Variants in KAZN observed in about 807,000 individuals in gnomAD.
The protein encoded by KAZN is kazrin, periplakin interacting protein, also known as kazrin.
KAZN carries 40 observed loss-of-function variants against 87.4 expected under a neutral mutation model. The observed-to-expected ratio is 0.46, with a 90% CI of 0.36 to 0.60. The LOEUF is 0.60. KAZN is among the 20% of genes least tolerant of loss of function. The pLI is 0.00. For synonymous variants in KAZN, 466 were observed against 458.3 expected, an observed-to-expected ratio of 1.02 and a Z score of -0.22; for missense variants, 898 against 1,073.9, an observed-to-expected ratio of 0.84 and a Z score of 2.29.
chr1:14,572,084 C>T (rs1308172926), intron 2 of KAZN, among the ~76,000 whole-genome samples: 1 of 152,120 alleles, frequency 6.6e-6, no homozygotes, highest in East Asian at 1.9e-4. Flanking sequence ...TCGTTCCCAC[C>T]GCCGCTCTGG....
At chr1:14,024,674 C>G (rs1375821423) in intron 1 of KAZN, among the ~76,000 whole-genome samples, 1 of 152,160 alleles carries the variant, frequency 6.6e-6, no homozygotes, top group East Asian at 1.9e-4. Flanking sequence ...AAAGCAGATT[C>G]AGATCCAAGC....
chr1:14,850,842 G>T (rs528919560), intron 1 of KAZN, among the ~76,000 whole-genome samples: 2 of 152,306 alleles, frequency 1.3e-5, no homozygotes, highest in East Asian at 1.9e-4. Flanking sequence ...CTAGGCAGGT[G>T]TACCTCCCTA....
intron 2 of KAZN, among the ~76,000 whole-genome samples, chr1:14,514,407 A>AT (rs1476552166): frequency 5.4e-3 from 56 of 10,340 alleles, no homozygotes; most frequent in African/African-American, 0.015. Flanking sequence ...TTATATATAT[A>AT]ATATATAAAT....
At chr1:14,434,348 A>C (rs1011401679) in intron 2 of KAZN, among the ~76,000 whole-genome samples, 1 of 152,206 alleles carries the variant, frequency 6.6e-6, no homozygotes, top group Non-Finnish European at 1.5e-5. Flanking sequence ...GGCCAGCAGC[A>C]TCCAGCAGAG....
chr1:14,465,747 A>C, intron 2 of KAZN, among the ~76,000 whole-genome samples: 1 of 152,182 alleles, frequency 6.6e-6, no homozygotes, highest in Non-Finnish European at 1.5e-5. Context: ...ACTTTACGAC[A>C]TGTCAGTTAT....
upstream of KAZN, among the ~76,000 whole-genome samples, chr1:14,597,693 C>T (rs899448466): frequency 6.6e-6 from 1 of 152,110 alleles, no homozygotes; most frequent in Non-Finnish European, 1.5e-5. Context: ...TGCTGCTCTC[C>T]GGAGGTTGAC....
chr1:15,105,048 G>A (rs1009528437), intron 13 of KAZN, among the ~76,000 whole-genome samples: 2 of 152,074 alleles, frequency 1.3e-5, no homozygotes, highest in Non-Finnish European at 2.9e-5. Flanking sequence ...TTTATATATT[G>A]CTGGATTAAA....
At chr1:14,330,651 A>T (rs1056084216) in intron 2 of KAZN, among the ~76,000 whole-genome samples, 9 of 152,128 alleles carry the variant, frequency 5.9e-5, no homozygotes, top group Non-Finnish European at 1.2e-4. Flanking sequence ...GCCATCAGGG[A>T]CTGTGTCTCT....
chr1:14,913,526 C>T (rs928204413), intron 1 of KAZN, among the ~76,000 whole-genome samples: 1 of 152,196 alleles, frequency 6.6e-6, no homozygotes, highest in Non-Finnish European at 1.5e-5. Context: ...GACTAGGGGC[C>T]ATTACAGATT....
At chr1:14,328,730 A>G (rs989195870) in intron 2 of KAZN, among the ~76,000 whole-genome samples, 1 of 129,948 alleles carries the variant, frequency 7.7e-6, no homozygotes, top group Non-Finnish European at 1.6e-5. Context: ...AAGAATACTT[A>G]AGAAGACATC....
chr1:14,476,489 G>A (rs1032455342), intron 2 of KAZN, among the ~76,000 whole-genome samples: 1 of 152,150 alleles, frequency 6.6e-6, no homozygotes, highest in Admixed American at 6.5e-5. Flanking sequence ...TCTGCAGATC[G>A]TGGGATTTCT....
chr1:13,928,915 T>C (rs1399569826), intron 1 of KAZN, among the ~76,000 whole-genome samples: 1 of 152,066 alleles, frequency 6.6e-6, no homozygotes, highest in East Asian at 1.9e-4. Context: ...CTAATCTTTG[T>C]TGTGTGCTCA....
intron 1 of KAZN, among the ~76,000 whole-genome samples, chr1:14,733,509 C>A (rs1422368143): frequency 2.0e-5 from 3 of 152,266 alleles, no homozygotes; most frequent in South Asian, 2.1e-4. Flanking sequence ...AGGGTGGGAC[C>A]TCCTGGAGCC....
At chr1:15,079,865 G>C (rs1037799293) in intron 8 of KAZN, among the ~76,000 whole-genome samples, 3 of 152,244 alleles carry the variant, frequency 2.0e-5, no homozygotes, top group African/African-American at 7.2e-5. Flanking sequence ...CAGTGGAACA[G>C]GTTAGCAAGG....
In KAZN at chr1:14,350,577, G is replaced by C. The variant is rs191177369; in HGVS notation, c.249+169985G>C. Among the ~76,000 whole-genome samples, 347 of 152,304 alleles carry C rather than the reference G, an allele frequency of 2.3e-3. 6 individuals carry two copies. Among genetic ancestry groups the C allele is most frequent in the Non-Finnish European group, 6.0e-4 (41 of 68,034 alleles). ...GACAGGAAGGGTGCTACTGGTATCT[G>C]GCAAGAAGAGTTCAGGAATGCTGCT... is the stretch of plus-strand genomic sequence containing the variant. On this transcript the variant is annotated intron_variant, in intron 2 of 16. Coordinates refer to the KAZN transcript ENST00000636203.
intron 1 of KAZN, among the ~76,000 whole-genome samples, chr1:14,883,342 G>GAGAGAGAGAAAGAAAGA (rs1377953212): frequency 6.0e-5 from 2 of 33,462 alleles, no homozygotes; most frequent in Non-Finnish European, 1.2e-4. Context: ...GAGAGAGAGA[G>GAGAGAGAGAAAGAAAGA]AAAGAAAGAA....
chr1:15,046,502 C>T (rs373353447), intron 4 of KAZN, among the ~76,000 whole-genome samples: 3 of 152,036 alleles, frequency 2.0e-5, no homozygotes, highest in Non-Finnish European at 2.9e-5. Flanking sequence ...GCACCCATGC[C>T]GTCCAAACCC....
intron 2 of KAZN, among the ~76,000 whole-genome samples, chr1:14,526,195 T>A (rs1232607086): frequency 6.6e-6 from 1 of 152,194 alleles, no homozygotes; most frequent in Non-Finnish European, 1.5e-5. Context: ...AGAAAGGGAA[T>A]TCTCCTAAGT....
chr1:14,217,786 G>A (rs564025600), intron 2 of KAZN, among the ~76,000 whole-genome samples: 6 of 152,134 alleles, frequency 3.9e-5, no homozygotes, highest in African/African-American at 9.6e-5. Flanking sequence ...AAAAATTTAG[G>A]CATCCAGGCA....
Sources: gnomAD v4.1 joint callset for allele counts (sites outside exome capture counted in the v4.1 genomes callset) on GRCh38, gnomAD v4.1.1 for gene constraint, MANE v1.5 for transcripts, NCBI Gene and HGNC (gene_info 2026-07-23, HGNC 2026-07-21) for gene names.